Variants in RP1 observed in about 807,000 individuals in gnomAD.
RP1 encodes the protein RP1 axonemal microtubule associated, also known as oxygen-regulated protein 1.
Under a neutral mutation model 14.8 loss-of-function variants are expected in RP1, and 16 were observed. The observed-to-expected ratio is 1.08, with a 90% CI of 0.73 to 1.65. The LOEUF is 1.65. Ranked by LOEUF, RP1 falls within the 40% of genes most tolerant of loss-of-function variation. RP1 has a pLI of 0.00. For missense variants in RP1, 2,631 were observed against 2,535.0 expected (o/e 1.04, Z -0.81); for synonymous variants, 876 against 883.6 (o/e 0.99, Z 0.15).
chr8:54,726,267 A>G (rs1247463248), intron 16 of RP1: 15 of 1,419,842 alleles, frequency 1.1e-5, no homozygotes. Context: ...AAACTTGCAT[A>G]GCTGAACATA....
chr8:54,706,674 TTCTC>T, intron 15 of RP1: 3 of 1,535,196 alleles, frequency 2.0e-6, no homozygotes, highest in Non-Finnish European at 2.6e-6. Flanking sequence ...CTGCTCTTGT[TTCTC>T]TCAGCAAATG....
At chr8:54,664,355 A>C (rs751913041) in intron 7 of RP1, among the ~76,000 whole-genome samples, 2 of 152,136 alleles carry the variant, frequency 1.3e-5, no homozygotes, top group Non-Finnish European at 2.9e-5. Context: ...TACTGTGTAC[A>C]TAGGGGTGCA....
intron 8 of RP1, among the ~76,000 whole-genome samples, chr8:54,674,511 CAA>C (rs34448195): frequency 3.0e-5 from 3 of 101,272 alleles, no homozygotes; most frequent in Admixed American, 9.8e-5. Context: ...GGACACATAC[CAA>C]AAAAAAAAAA....
At chr8:54,663,730 T>C in exon 7 of RP1, 2 of 1,531,570 alleles carry the variant, frequency 1.3e-6, no homozygotes, top group Non-Finnish European at 1.7e-6. Context: ...TGGCAACGGG[T>C]GAGCTATGGA....
intron 12 of RP1, among the ~76,000 whole-genome samples, chr8:54,682,030 A>G (rs1807446154): frequency 6.6e-6 from 1 of 152,042 alleles, no homozygotes; most frequent in South Asian, 2.1e-4. Flanking sequence ...TCATAATAGT[A>G]TGATTTATAT....
intron 1 of RP1, among the ~76,000 whole-genome samples, chr8:54,596,375 A>C (rs987101191): frequency 5.3e-5 from 8 of 152,210 alleles, no homozygotes; most frequent in African/African-American, 1.4e-4. Context: ...TGCATGAACA[A>C]TAATATTCAC....
intron 27 of RP1, among the ~76,000 whole-genome samples, chr8:54,864,228 G>A (rs1199800160): frequency 6.6e-6 from 1 of 151,982 alleles, no homozygotes; most frequent in African/African-American, 2.4e-5. Context: ...CGAAGGTGTC[G>A]ATAAAAACTT....
At chr8:54,707,907 G>A (rs1247738591) in intron 15 of RP1, among the ~76,000 whole-genome samples, 2 of 152,216 alleles carry the variant, frequency 1.3e-5, no homozygotes, top group African/African-American at 2.4e-5. Context: ...AAGCTTAAGA[G>A]ACAAACTCAT....
intron 28 of RP1, among the ~76,000 whole-genome samples, chr8:54,868,159 G>A (rs1360922865): frequency 6.6e-6 from 1 of 152,136 alleles, no homozygotes; most frequent in Admixed American, 6.5e-5. Flanking sequence ...TCTCTTCCAA[G>A]CCAAAATTAA....
At chr8:54,688,769 T>C (rs1807631621) in intron 12 of RP1, among the ~76,000 whole-genome samples, 2 of 152,220 alleles carry the variant, frequency 1.3e-5, no homozygotes, top group Admixed American at 1.3e-4. Context: ...TTTGTTCTTT[T>C]GGCTTAGGAT....
intron 19 of RP1, among the ~76,000 whole-genome samples, chr8:54,744,638 T>A (rs1263292411): frequency 6.6e-6 from 1 of 152,148 alleles, no homozygotes; most frequent in East Asian, 1.9e-4. Context: ...ATAGAAAAAA[T>A]TCTGTATAGG....
At chr8:54,783,693 A>G (rs748558746) in exon 24 of RP1, 36 of 1,230,840 alleles carry the variant, frequency 2.9e-5, no homozygotes, top group Non-Finnish European at 3.5e-5. Flanking sequence ...TAACCCTAAC[A>G]CTGCAGATAT....
chr8:54,617,392 C>T (rs1805745245), intron 1 of RP1, among the ~76,000 whole-genome samples: 1 of 152,182 alleles, frequency 6.6e-6, no homozygotes, highest in Non-Finnish European at 1.5e-5. Flanking sequence ...GCTAAATTTC[C>T]ATGCAAATTC....
chr8:54,839,936 G>A (rs1480387988), intron 25 of RP1, among the ~76,000 whole-genome samples: 2 of 152,076 alleles, frequency 1.3e-5, no homozygotes, highest in Admixed American at 6.6e-5. Flanking sequence ...ACATCATAAA[G>A]CTCCTGATTC....
chr8:54,828,489 C>T (rs910095067), intron 24 of RP1, among the ~76,000 whole-genome samples: 1 of 152,142 alleles, frequency 6.6e-6, no homozygotes, highest in Non-Finnish European at 1.5e-5. Flanking sequence ...GTGATCTCGG[C>T]AGGGCTCCTC....
Position 54,627,702 on chromosome 8 carries a change from T to G in RP1, c.3820T>G (p.Cys1274Gly). The change falls in exon 4 of 4, where the codon TGT becomes GGT. Residue 1274 changes from cysteine to glycine, a missense_variant. By Grantham distance (159) the Cys-to-Gly change is radical. Coordinates refer to ENST00000220676, the MANE Select transcript of RP1 (RefSeq NM_006269.2). ...TAAGGCTTATTCTCCAAAAGAGACATGTAACCCCAGTGACACTTTTTTTCC... is the reference window on the plus strand; with the variant it reads ...TAAGGCTTATTCTCCAAAAGAGACAGGTAACCCCAGTGACACTTTTTTTCC... ...VNKAYSPKETCNPSDTFFPSD... is the reference protein window; with the variant it reads ...VNKAYSPKETGNPSDTFFPSD... The G allele has an allele frequency of 6.2e-7, 1 of 1,614,182 alleles. No homozygotes were observed. Among genetic ancestry groups the G allele is most frequent in the Non-Finnish European group, 8.5e-7 (1 of 1,179,986 alleles).
At chr8:54,679,273 C>T (rs1807367818) in intron 9 of RP1, 3 of 650,454 alleles carry the variant, frequency 4.6e-6, no homozygotes, top group Non-Finnish European at 7.8e-6. Context: ...TTTTCTTTTC[C>T]ATTCTGTACT....
At chr8:54,706,659 A>G (rs1432322528) in intron 15 of RP1, 3 of 1,535,768 alleles carry the variant, frequency 2.0e-6, no homozygotes, top group Non-Finnish European at 2.6e-6. Flanking sequence ...TGGAACAGTA[A>G]GCATCTGCTC....
At chr8:54,792,998 GA>G (rs1195953052) in intron 24 of RP1, among the ~76,000 whole-genome samples, 3 of 151,764 alleles carry the variant, frequency 2.0e-5, no homozygotes, top group African/African-American at 7.2e-5. Context: ...CAATGAAAAA[GA>G]AGACATTACA....
Sources: allele counts gnomAD v4.1 joint callset (sites outside exome capture counted in the v4.1 genomes callset), GRCh38; gene constraint gnomAD v4.1.1; transcripts MANE v1.5; gene names NCBI Gene and HGNC (gene_info 2026-07-23, HGNC 2026-07-21).